GDPD4: variants seen among roughly 807,000 people sequenced by gnomAD.
The protein encoded by GDPD4 is glycerophosphodiester phosphodiesterase domain containing 4.
In GDPD4, 60 loss-of-function variants were observed where a neutral mutation model predicts 67.8. The observed-to-expected ratio is 0.88, with a 90% CI of 0.72 to 1.10. GDPD4 has a LOEUF of 1.10. Among genes scored for constraint, GDPD4 ranks in the 50% least tolerant of loss-of-function variants. The probability of loss-of-function intolerance (pLI) is 0.00; values close to 1 mark genes in which losing one functional copy is unlikely to be tolerated. For synonymous variants in GDPD4, 212 were observed against 210.9 expected (o/e 1.00, Z -0.04); for missense variants, 623 against 613.9 (o/e 1.01, Z -0.16).
chr11:77,240,078 T>G (rs1958634504), intron 13 of GDPD4, among the ~76,000 whole-genome samples: 1 of 151,998 alleles, frequency 6.6e-6, no homozygotes, highest in Non-Finnish European at 1.5e-5. Flanking sequence ...CAAAGCAATC[T>G]ACAGATTCAA....
intron 1 of GDPD4, among the ~76,000 whole-genome samples, chr11:77,301,361 G>A (rs1232512096): frequency 6.6e-6 from 1 of 152,140 alleles, no homozygotes; most frequent in Non-Finnish European, 1.5e-5. Flanking sequence ...CATAGTCGAA[G>A]CTGATTTTTA....
At chr11:77,283,702 T>C (rs1417500138) in intron 3 of GDPD4, among the ~76,000 whole-genome samples, 1 of 152,024 alleles carries the variant, frequency 6.6e-6, no homozygotes, top group Non-Finnish European at 1.5e-5. Context: ...ATAAACTTGT[T>C]CTGAAACTAA....
intron 2 of GDPD4, among the ~76,000 whole-genome samples, chr11:77,285,436 A>C (rs1252887724): frequency 6.6e-6 from 1 of 152,210 alleles, no homozygotes; most frequent in African/African-American, 2.4e-5. Flanking sequence ...CTTTGAGGAA[A>C]AGGAACGTCT....
At chr11:77,252,153 T>G (rs945237197) in intron 11 of GDPD4, among the ~76,000 whole-genome samples, 8 of 141,414 alleles carry the variant, frequency 5.7e-5, no homozygotes, top group Non-Finnish European at 1.1e-4. Context: ...AACCTCCCCC[T>G]CCCGGGTTCA....
intron 15 of GDPD4, among the ~76,000 whole-genome samples, chr11:77,228,392 C>T (rs12289605): frequency 4.8e-5 from 7 of 145,044 alleles, no homozygotes; most frequent in East Asian, 2.1e-4. Context: ...TCCAGCTACT[C>T]GGGAGGCTGA....
At chr11:77,280,546 G>A (rs1389531964) in intron 3 of GDPD4, among the ~76,000 whole-genome samples, 1 of 152,050 alleles carries the variant, frequency 6.6e-6, no homozygotes. Context: ...CTTAGTGTTT[G>A]TCATTTCATG....
chr11:77,255,804 T>C (rs1204505629), intron 11 of GDPD4, among the ~76,000 whole-genome samples: 6 of 150,712 alleles, frequency 4.0e-5, no homozygotes, highest in Non-Finnish European at 5.9e-5. Flanking sequence ...GAGGCAGAGG[T>C]TGCAGTGAGC....
intron 5 of GDPD4, among the ~76,000 whole-genome samples, chr11:77,275,350 C>T (rs1252958907): frequency 6.6e-6 from 1 of 152,172 alleles, no homozygotes; most frequent in Non-Finnish European, 1.5e-5. Flanking sequence ...GCTGACTGTC[C>T]TCTGGGGACC....
intron 16 of GDPD4, among the ~76,000 whole-genome samples, chr11:77,217,550 AAGTCCTC>A (rs1958148108): frequency 6.6e-6 from 1 of 152,158 alleles, no homozygotes; most frequent in Non-Finnish European, 1.5e-5. Context: ...CTCACCATGG[AAGTCCTC>A]AGAAAGCAGA....
intron 16 of GDPD4, among the ~76,000 whole-genome samples, chr11:77,226,912 A>T (rs551100695): frequency 6.6e-6 from 1 of 152,272 alleles, no homozygotes; most frequent in South Asian, 2.1e-4. Flanking sequence ...CATTCCTGCA[A>T]CCCTAAGTGT....
chr11:77,257,552 T>TACACACACACACACACACAC (rs71043563), intron 11 of GDPD4, among the ~76,000 whole-genome samples: 1 of 134,266 alleles, frequency 7.4e-6, no homozygotes, highest in Non-Finnish European at 1.6e-5. Context: ...CTCCCTCTCC[T>TACACACACACACACACACAC]ACACACACAC....
At chr11:77,252,852 T>C (rs1958934225) in intron 11 of GDPD4, among the ~76,000 whole-genome samples, 1 of 151,998 alleles carries the variant, frequency 6.6e-6, no homozygotes, top group Non-Finnish European at 1.5e-5. Context: ...ACAGCAGAGG[T>C]GTATGTTGTT....
chr11:77,230,714 G>A (rs917682340), intron 14 of GDPD4, among the ~76,000 whole-genome samples: 8 of 152,122 alleles, frequency 5.3e-5, no homozygotes, highest in African/African-American at 1.4e-4. Flanking sequence ...GTGGCATACT[G>A]TTTATAAAAA....
chr11:77,244,449 T>A (rs1277309253), intron 12 of GDPD4, among the ~76,000 whole-genome samples: 1 of 152,228 alleles, frequency 6.6e-6, no homozygotes, highest in Admixed American at 6.5e-5. Context: ...AAGGGCCTAC[T>A]GTGTACACAA....
At chr11:77,227,598 G>T (rs1261174509) in intron 16 of GDPD4, among the ~76,000 whole-genome samples, 1 of 152,186 alleles carries the variant, frequency 6.6e-6, no homozygotes, top group African/African-American at 2.4e-5. Flanking sequence ...TATGATACAT[G>T]AATATATGAA....
chr11:77,267,950 C>T (rs2135869283), intron 10 of GDPD4, among the ~76,000 whole-genome samples: 1 of 152,120 alleles, frequency 6.6e-6, no homozygotes, highest in East Asian at 1.9e-4. Flanking sequence ...GTGACCTTTT[C>T]CTCCACTGAG....
chr11:77,283,465 A>T (rs1282497133), intron 3 of GDPD4, among the ~76,000 whole-genome samples: 2 of 152,224 alleles, frequency 1.3e-5, no homozygotes, highest in Non-Finnish European at 2.9e-5. Flanking sequence ...TAGACTTTGC[A>T]TAAACCTTAT....
chr11:77,226,498 A>C lies in GDPD4; in HGVS notation c.1525+1366T>G, dbSNP rs536837422. ...CACAGTGAGAAGGCAGCTGCATTCAAGCTAAGAAGACAGTGCTCACTAGGG... is the reference window on the plus strand; with the variant it reads ...CACAGTGAGAAGGCAGCTGCATTCACGCTAAGAAGACAGTGCTCACTAGGG... On this transcript the variant is annotated intron_variant, in intron 16 of 16. Transcript: ENST00000315938. 8.5e-5 allele frequency among the ~76,000 whole-genome samples: 13 copies of C among 152,316 alleles called. No homozygotes were observed. In the South Asian group the frequency reaches 2.7e-3, roughly 32 times the overall value.
At chr11:77,223,484 C>CACTCCAGACCCT (rs1255448375) in intron 16 of GDPD4, among the ~76,000 whole-genome samples, 20 of 152,198 alleles carry the variant, frequency 1.3e-4, no homozygotes, top group African/African-American at 4.6e-4. Context: ...GCTGGAGGTC[C>CACTCCAGACCCT]ACTCCAGACC....
Sources: allele counts gnomAD v4.1 joint callset (sites outside exome capture counted in the v4.1 genomes callset), GRCh38; gene constraint gnomAD v4.1.1; transcripts MANE v1.5; gene names NCBI Gene and HGNC (gene_info 2026-07-23, HGNC 2026-07-21).